APBA1: variants seen among roughly 807,000 people sequenced by gnomAD.
APBA1 encodes amyloid-beta A4 precursor protein-binding family A member 1.
APBA1 carries 55 observed loss-of-function variants against 86.6 expected under a neutral mutation model. That is an observed-to-expected ratio of 0.64 (90% CI 0.51 to 0.80). The LOEUF is 0.80. APBA1 is among the 30% of genes least tolerant of loss of function. The pLI is 0.00. For synonymous variants in APBA1, 511 were observed against 493.9 expected (o/e 1.03, Z -0.46); for missense variants, 1,090 against 1,183.0 (o/e 0.92, Z 1.15).
intron 1 of APBA1, among the ~76,000 whole-genome samples, chr9:69,527,712 G>A (rs1003866471): frequency 3.3e-5 from 5 of 152,072 alleles, no homozygotes; most frequent in Non-Finnish European, 1.5e-5. Flanking sequence ...CACCTTGGCT[G>A]ACTCTATACT....
chr9:69,582,524 C>T (rs1201508918), intron 1 of APBA1, among the ~76,000 whole-genome samples: 1 of 152,200 alleles, frequency 6.6e-6, no homozygotes, highest in East Asian at 1.9e-4. Flanking sequence ...CTCAATATTA[C>T]TTCCCATTCC....
intron 11 of APBA1, 123 bp downstream of exon 11, chr9:69,440,873 C>T (rs1834807634): frequency 8.0e-7 from 1 of 1,257,548 alleles, no homozygotes; most frequent in Non-Finnish European, 1.1e-6. Flanking sequence ...TTCTGCATCA[C>T]TCACGCTGGG....
At chr9:69,600,565 G>A (rs900326591) in intron 1 of APBA1, among the ~76,000 whole-genome samples, 2 of 152,094 alleles carry the variant, frequency 1.3e-5, no homozygotes, top group African/African-American at 4.8e-5. Context: ...CTTTGGGAGG[G>A]AGGTGGGTGG....
chr9:69,585,716 C>A (rs1448616781), intron 1 of APBA1, among the ~76,000 whole-genome samples: 1 of 152,172 alleles, frequency 6.6e-6, no homozygotes, highest in East Asian at 1.9e-4. Context: ...AGTGGACTCT[C>A]TCCCTGTTCA....
chr9:69,569,696 C>T (rs1157128228), intron 1 of APBA1, among the ~76,000 whole-genome samples: 1 of 152,198 alleles, frequency 6.6e-6, no homozygotes. Flanking sequence ...AAAACTTTGT[C>T]TGCAAGACTT....
chr9:69,457,619 C>T (rs1199161004), intron 6 of APBA1, among the ~76,000 whole-genome samples: 1 of 152,098 alleles, frequency 6.6e-6, no homozygotes, highest in Non-Finnish European at 1.5e-5. Context: ...GTTTACATAT[C>T]ACCCAGCAAC....
rs777082193 is a variant in APBA1, at chr9:69,431,173, A to G, written c.*154T>C. 2.4e-4 allele frequency: 112 copies of G among 462,144 alleles called. No homozygotes were observed. Among genetic ancestry groups the G allele is most frequent in the Non-Finnish European group, 3.9e-4 (102 of 258,690 alleles). The allele number at this position is 462,144 out of a possible 1,614,324, so 28.6% of individuals were successfully genotyped here. A position where few individuals can be genotyped will look rare whatever the true frequency, so the allele number is the denominator to read the frequency against. On this transcript the variant is annotated 3_prime_UTR_variant, in exon 13 of 13. Coordinates refer to ENST00000265381, the MANE Select transcript of APBA1 (RefSeq NM_001163.4). ...AAAAAAAAAAAAAAGCAAATCGGAG[A>G]GAGTAAAGAGGTCCTTGTGGATTCT...
intron 1 of APBA1, among the ~76,000 whole-genome samples, chr9:69,548,691 G>A (rs1434299529): frequency 1.3e-5 from 2 of 152,216 alleles, no homozygotes; most frequent in Non-Finnish European, 2.9e-5. Flanking sequence ...AAAGAACATG[G>A]TTATGTGCTG....
intron 1 of APBA1, among the ~76,000 whole-genome samples, chr9:69,612,649 G>T (rs1822612818): frequency 6.6e-6 from 1 of 151,848 alleles, no homozygotes; most frequent in Non-Finnish European, 1.5e-5. Flanking sequence ...AGAAATTCAG[G>T]TTACTAAGAG....
rs147548855 is a variant in APBA1 at position 69,644,435 on chromosome 9, T to A, written c.-70+27718A>T. Among the ~76,000 whole-genome samples, 596 of 152,276 alleles carry A rather than the reference T, an allele frequency of 3.9e-3. 4 individuals carry two copies. Among genetic ancestry groups the A allele is most frequent in the Middle Eastern group, 0.01 (3 of 294 alleles). ...TTCAATGTTGACACTATTTTTCTCA[T>A]CCCCCAAAATTCTTCTGTTAGTTCT... On this transcript the variant is annotated intron_variant, in intron 1 of 12. Coordinates refer to ENST00000265381, the MANE Select transcript of APBA1 (RefSeq NM_001163.4).
chr9:69,441,559 C>A (rs1309335607), intron 10 of APBA1, among the ~76,000 whole-genome samples: 1 of 152,206 alleles, frequency 6.6e-6, no homozygotes, highest in Admixed American at 6.5e-5. Context: ...CCTCTTCTAA[C>A]AAAGGACATC....
At chr9:69,669,457 A>G (rs956952352) in intron 1 of APBA1, among the ~76,000 whole-genome samples, 1 of 152,234 alleles carries the variant, frequency 6.6e-6, no homozygotes. Flanking sequence ...AAAGGCATCC[A>G]TGCACAAAAA....
rs905885768 is a variant in APBA1 at position 69,568,307 on chromosome 9, T to C, written c.-69-51028A>G. On this transcript the variant is annotated intron_variant, in intron 1 of 12. Coordinates refer to ENST00000265381, the MANE Select transcript of APBA1 (RefSeq NM_001163.4). ...ACTTCATGAAAGATCCAGAGTTTTCTCTTCACTTTAGGATGCATCATTCTC... is the reference window on the plus strand; with the variant it reads ...ACTTCATGAAAGATCCAGAGTTTTCCCTTCACTTTAGGATGCATCATTCTC... Among the ~76,000 whole-genome samples the C allele has an allele frequency of 3.9e-5, 6 of 152,190 alleles. No individual in the cohort carries two copies. In the East Asian group the frequency reaches 9.6e-4, roughly 24 times the overall value.
At chr9:69,658,328 T>TCTCTCTC (rs1564105122) in intron 1 of APBA1, among the ~76,000 whole-genome samples, 4 of 128,522 alleles carry the variant, frequency 3.1e-5, no homozygotes, top group Middle Eastern at 3.8e-3. Flanking sequence ...CTTTCTTTCT[T>TCTCTCTC]TCTTTCTTTC....
chr9:69,536,674 C>T (rs1588347954), intron 1 of APBA1, among the ~76,000 whole-genome samples: 1 of 141,730 alleles, frequency 7.1e-6, no homozygotes, highest in African/African-American at 2.6e-5. Flanking sequence ...TGAGAGCAGC[C>T]TGGCCAACAT....
intron 1 of APBA1, among the ~76,000 whole-genome samples, chr9:69,552,348 G>A (rs752763940): frequency 1.3e-5 from 2 of 152,178 alleles, no homozygotes; most frequent in African/African-American, 2.4e-5. Context: ...CAGAGCGAAT[G>A]GAGAGTAATC....
intron 1 of APBA1, among the ~76,000 whole-genome samples, chr9:69,610,228 G>A (rs911064117): frequency 6.6e-6 from 1 of 152,154 alleles, no homozygotes; most frequent in Admixed American, 6.6e-5. Context: ...GCTGAGGCTG[G>A]AGGATTACTT....
intron 8 of APBA1, among the ~76,000 whole-genome samples, chr9:69,454,543 G>C (rs1037160637): frequency 6.6e-6 from 1 of 152,188 alleles, no homozygotes; most frequent in African/African-American, 2.4e-5. Context: ...GCACAGCTTG[G>C]ATGAGGAAGG....
intron 1 of APBA1, among the ~76,000 whole-genome samples, chr9:69,658,685 A>G (rs147215628): frequency 0.018 from 2,693 of 151,736 alleles, 76 homozygotes; most frequent in African/African-American, 0.062. Context: ...GATTACAGGC[A>G]TGAGCCACTG....
Sources: allele counts gnomAD v4.1 joint callset (sites outside exome capture counted in the v4.1 genomes callset), GRCh38; gene constraint gnomAD v4.1.1; transcripts MANE v1.5; gene names NCBI Gene and HGNC (gene_info 2026-07-23, HGNC 2026-07-21).